The following KMT5B variants were observed in gnomAD, a reference collection of about 807,000 sequenced individuals.
KMT5B encodes the protein histone-lysine N-methyltransferase KMT5B.
Under a neutral mutation model 83.2 loss-of-function variants are expected in KMT5B, and 10 were observed. The observed-to-expected ratio is 0.12, with a 90% CI of 0.07 to 0.20. The LOEUF (loss-of-function observed/expected upper bound fraction) is 0.20. KMT5B is among the 10% of genes least tolerant of loss of function. The pLI is 1.00. For synonymous variants in KMT5B, 349 were observed against 388.8 expected (o/e 0.90, Z 1.20); for missense variants, 753 against 1,067.2 (o/e 0.71, Z 4.10).
rs149487055 is a variant in KMT5B, at chr11:68,180,199, C to T, written c.310G>A (p.Ala104Thr). The T allele has an allele frequency of 2.4e-5, 38 of 1,564,430 alleles. No homozygotes were observed. Among genetic ancestry groups the T allele is most frequent in the South Asian group, 8.0e-5 (7 of 87,478 alleles). The change falls in exon 4 of 11, where the codon GCC (alanine) becomes ACC (threonine). Residue 104 changes from alanine (A) to threonine (T), a missense_variant and splice_region_variant. Coordinates refer to ENST00000304363, the MANE Select transcript of KMT5B (RefSeq NM_017635.5). ...TGCCTTGAGCTCCTCGAAGGAAAGGCGCTATATAAATGCAAAAACAAACAA... is the reference window on the plus strand; with the variant it reads ...TGCCTTGAGCTCCTCGAAGGAAAGGTGCTATATAAATGCAAAAACAAACAA... Reference protein sequence around the residue: ...GFQTHKMNTSAFPSRSSRHFS... With the variant: ...GFQTHKMNTSTFPSRSSRHFS...
chr11:68,165,407 G>A (rs558553765), intron 10 of KMT5B, among the ~76,000 whole-genome samples: 26 of 152,302 alleles, frequency 1.7e-4, no homozygotes, highest in African/African-American at 6.3e-4. Context: ...GGGAGGCTGA[G>A]GCAGGAGAAT....
intron 1 of KMT5B, among the ~76,000 whole-genome samples, chr11:68,207,086 C>T (rs1030960724): frequency 6.6e-6 from 1 of 151,780 alleles, no homozygotes; most frequent in African/African-American, 2.4e-5. Flanking sequence ...ACTAAAAATA[C>T]AAAAAATTAG....
chr11:68,187,184 AG>A lies in KMT5B; in HGVS notation c.161-1257del, dbSNP rs370778989. Among the ~76,000 whole-genome samples the A allele has an allele frequency of 6.2e-3, 936 of 151,952 alleles. 7 individuals carry two copies. Among genetic ancestry groups the A allele is most frequent in the African/African-American group, 0.022 (908 of 41,442 alleles). ...GTTAATTTTTGTATTTTTTTGTAAAAGTGGGGTCTCGCCATATTGTCCAGGC... is the reference window on the plus strand; with the variant it reads ...GTTAATTTTTGTATTTTTTTGTAAAATGGGGTCTCGCCATATTGTCCAGGC... On this transcript the variant is annotated intron_variant, in intron 2 of 10. Transcript: ENST00000304363.
At position 68,154,993 on chromosome 11, in the gene KMT5B, A is replaced by T. The variant is rs1191609479; in HGVS notation, c.*2695T>A. 6.6e-6 allele frequency: 1 copy of T among 152,236 alleles called. No homozygotes were observed. The allele number at this position is 152,236 out of a possible 1,614,324, so 9.4% of individuals were successfully genotyped here. A position where few individuals can be genotyped will look rare whatever the true frequency, so the allele number is the denominator to read the frequency against. On this transcript the variant is annotated 3_prime_UTR_variant, in exon 11 of 11. Transcript: ENST00000304363. ...TCAAATGCTGAAAAAGTCCTTTTTC[A>T]TTCTTTCAGTACAAGGAATACATTG... is the stretch of plus-strand genomic sequence containing the variant.
rs1423512250 is a variant in KMT5B at position 68,187,803 on chromosome 11, C to G, written c.161-1875G>C. 2.6e-5 allele frequency among the ~76,000 whole-genome samples: 4 copies of G among 152,104 alleles called. No homozygotes were observed. The South Asian group carries it at 8.3e-4, about 31-fold the overall frequency. ...TTTTGTCAGTTTTTCTTTCCTGTAT[C>G]TTAAGGCTCTGCTGCTGGGAAAGTC... On this transcript the variant is annotated intron_variant, in intron 2 of 10. Transcript: ENST00000304363.
rs1435379029 is a variant in KMT5B, at chr11:68,156,958, A to G, written c.*730T>C. On this transcript the variant is annotated 3_prime_UTR_variant, in exon 11 of 11. Coordinates refer to ENST00000304363, the MANE Select transcript of KMT5B (RefSeq NM_017635.5). The stretch of plus-strand genomic sequence containing the variant: ...TTCTTGCAAAGAACAATTTTATCTA[A>G]AAGGATTGAAAAGAGTTAAATACAA... 2 of 152,490 alleles carry G rather than the reference A, an allele frequency of 1.3e-5. No individual in the cohort carries two copies. Among genetic ancestry groups the G allele is most frequent in the East Asian group, 1.9e-4 (1 of 5,200 alleles). 9.4% of individuals were successfully genotyped at this position (152,490 alleles called of 1,614,324 possible).
At chr11:68,199,479 T>C (rs1283538804) in intron 1 of KMT5B, among the ~76,000 whole-genome samples, 1 of 151,748 alleles carries the variant, frequency 6.6e-6, no homozygotes, top group African/African-American at 2.4e-5. Flanking sequence ...GGGGCAAATA[T>C]GGAGGAAGAG....
intron 9 of KMT5B, among the ~76,000 whole-genome samples, chr11:68,170,032 C>T (rs1015781051): frequency 6.6e-6 from 1 of 152,170 alleles, no homozygotes; most frequent in Non-Finnish European, 1.5e-5. Context: ...TCTCTCACCA[C>T]ACAGTTGGAA....
chr11:68,200,308 C>T (rs1444245804), intron 1 of KMT5B, among the ~76,000 whole-genome samples: 2 of 152,140 alleles, frequency 1.3e-5, no homozygotes, highest in Non-Finnish European at 2.9e-5. Context: ...GAAGCAGAGC[C>T]AGGCATGACA....
In KMT5B at chr11:68,193,451, T is replaced by A. The variant is rs1045155228; in HGVS notation, c.-76-3299A>T. On this transcript the variant is annotated intron_variant, in intron 1 of 10. Coordinates refer to ENST00000304363, the MANE Select transcript of KMT5B (RefSeq NM_017635.5). ...AGGTCTCTTTCATGTTACAGGAGTATCTGTGTGAGTTCACTGGAGGGTAAG... is the reference window on the plus strand; with the variant it reads ...AGGTCTCTTTCATGTTACAGGAGTAACTGTGTGAGTTCACTGGAGGGTAAG... Among the ~76,000 whole-genome samples the A allele has an allele frequency of 1.3e-4, 20 of 152,124 alleles. 1 individual carries two copies. The highest frequency in any genetic ancestry group is 4.6e-4 in the African/African-American group (19 of 41,416).
In KMT5B at chr11:68,190,355, T is replaced by C. The variant is rs193130147; in HGVS notation, c.-76-203A>G. Among the ~76,000 whole-genome samples the C allele has an allele frequency of 1.0e-3, 158 of 152,334 alleles. 1 individual carries two copies. Among genetic ancestry groups the C allele is most frequent in the African/African-American group, 3.6e-3 (149 of 41,586 alleles). The stretch of plus-strand genomic sequence containing the variant: ...AGAGCTGGACATACACTTCATAAAA[T>C]TCGTATTGCCTAGTATTTACTATAT... On this transcript the variant is annotated intron_variant, in intron 1 of 10. Transcript: ENST00000304363.
chr11:68,184,382 G>T (rs1857232542), intron 3 of KMT5B, among the ~76,000 whole-genome samples: 1 of 150,486 alleles, frequency 6.6e-6, no homozygotes, highest in African/African-American at 2.4e-5. Flanking sequence ...AAAAAGAAAA[G>T]AAAAAAAAAT....
rs1191904794 is a variant in KMT5B, at chr11:68,171,101, A to G, written c.891T>C (p.Ile297=). The change falls in exon 9 of 11, where the codon ATT becomes ATC. Residue 297 remains isoleucine, a synonymous_variant. Coordinates refer to ENST00000304363, the MANE Select transcript of KMT5B (RefSeq NM_017635.5). This position sits in a 1 kb window ranked among gnomAD's most constrained non-coding sequence, Gnocchi z 5.1. ...DTACVKALRD[I]EPGEEISCYY... ...AACAAGAAATTTCTTCTCCAGGTTCAATGTCTCTTAGAGCCTTCACACATG... is the reference window on the plus strand; with the variant it reads ...AACAAGAAATTTCTTCTCCAGGTTCGATGTCTCTTAGAGCCTTCACACATG... 6.2e-7 allele frequency: 1 copy of G among 1,608,906 alleles called. No individual in the cohort carries two copies. The highest frequency in any genetic ancestry group is 1.1e-5 in the South Asian group (1 of 89,458).
chr11:68,195,661 T>A (rs907571603), intron 1 of KMT5B, among the ~76,000 whole-genome samples: 30 of 152,348 alleles, frequency 2.0e-4, no homozygotes, highest in Admixed American at 7.2e-4. Context: ...TCCCTAAAAT[T>A]ATAGCTCAGC....
chr11:68,171,335 T>C lies in KMT5B; in HGVS notation c.821-84A>G. 6.6e-7 allele frequency: 1 copy of C among 1,510,524 alleles called. No individual in the cohort carries two copies. The highest frequency in any genetic ancestry group is 2.3e-5 in the East Asian group (1 of 44,326). The allele number at this position is 1,510,524 out of a possible 1,614,324, so 93.6% of individuals were successfully genotyped here. ...AATTATAGAAATCTGAAATAAGCTT[T>C]CCATATAACTTTACAACTTTTGATA... On this transcript the variant is annotated intron_variant, in intron 7 of 10. Transcript: ENST00000304363. This position sits in a 1 kb window ranked among gnomAD's most constrained non-coding sequence, Gnocchi z 5.1.
chr11:68,203,021 G>A (rs1336377605), intron 1 of KMT5B, among the ~76,000 whole-genome samples: 4 of 151,958 alleles, frequency 2.6e-5, no homozygotes, highest in Non-Finnish European at 5.9e-5. Flanking sequence ...TGTCACCCAG[G>A]CTGTAGTGCA....
intron 3 of KMT5B, among the ~76,000 whole-genome samples, chr11:68,182,463 T>TC (rs1857028788): frequency 6.6e-6 from 1 of 152,124 alleles, no homozygotes; most frequent in Admixed American, 6.5e-5. Context: ...CTGGAGTGCT[T>TC]CCTTTTGTTT....
intron 4 of KMT5B, chr11:68,179,373 A>T: frequency 8.7e-7 from 1 of 1,143,982 alleles, no homozygotes; most frequent in South Asian, 1.4e-5. Context: ...TTACACTTCC[A>T]ATCAATGGCT....
At chr11:68,165,279 G>A (rs568365459) in intron 10 of KMT5B, among the ~76,000 whole-genome samples, 58 of 152,204 alleles carry the variant, frequency 3.8e-4, no homozygotes, top group South Asian at 1.2e-3. Flanking sequence ...AAGGCAAGGC[G>A]GATCACCTGA....
Sources: allele counts gnomAD v4.1 joint callset (sites outside exome capture counted in the v4.1 genomes callset), GRCh38; gene constraint gnomAD v4.1.1; non-coding constraint Gnocchi (gnomAD v3.1); transcripts MANE v1.5; gene names NCBI Gene and HGNC (gene_info 2026-07-23, HGNC 2026-07-21).